Variants in NR6A1 observed in about 807,000 individuals in gnomAD.
The protein encoded by NR6A1 is retinoic acid receptor-related testis-associated receptor.
Under a neutral mutation model 59.1 loss-of-function variants are expected in NR6A1, and 7 were observed. That is an observed-to-expected ratio of 0.12 (90% CI 0.07 to 0.22). The LOEUF (loss-of-function observed/expected upper bound fraction) is 0.22. NR6A1 is among the 10% of genes least tolerant of loss of function. NR6A1 has a pLI of 1.00. For missense variants in NR6A1, 468 were observed against 611.6 expected (o/e 0.77, Z 2.48); for synonymous variants, 243 against 236.1 (o/e 1.03, Z -0.27).
At chr9:124,766,578 AAAAC>A (rs1266123053) in intron 1 of NR6A1, among the ~76,000 whole-genome samples, 2 of 152,248 alleles carry the variant, frequency 1.3e-5, no homozygotes, top group Non-Finnish European at 2.9e-5. Flanking sequence ...CTACTTAAAA[AAAAC>A]AGACTGACCC....
intron 2 of NR6A1, among the ~76,000 whole-genome samples, chr9:124,587,573 T>C (rs955908168): frequency 6.6e-6 from 1 of 152,208 alleles, no homozygotes; most frequent in Non-Finnish European, 1.5e-5. Flanking sequence ...CCCACTACCT[T>C]GCCAAAGGCC....
chr9:124,606,238 G>T (rs933097455), intron 2 of NR6A1, among the ~76,000 whole-genome samples: 1 of 152,130 alleles, frequency 6.6e-6, no homozygotes, highest in African/African-American at 2.4e-5. Context: ...ATTCAGGCAT[G>T]ACATCTTCTA....
chr9:124,764,197 A>G (rs1275183869), intron 1 of NR6A1, among the ~76,000 whole-genome samples: 1 of 151,530 alleles, frequency 6.6e-6, no homozygotes, highest in Non-Finnish European at 1.5e-5. Flanking sequence ...AAAAAAAAAA[A>G]GAAAAGAAAA....
At chr9:124,644,271 C>CTTCTTTT (rs567120746) in intron 2 of NR6A1, among the ~76,000 whole-genome samples, 2 of 96,744 alleles carry the variant, frequency 2.1e-5, no homozygotes, top group South Asian at 6.6e-4. Flanking sequence ...ATTAAGTCTT[C>CTTCTTTT]TTTTTTTTTT....
intron 2 of NR6A1, among the ~76,000 whole-genome samples, chr9:124,680,346 C>T (rs1408168623): frequency 3.9e-5 from 6 of 152,050 alleles, no homozygotes; most frequent in Admixed American, 6.6e-5. Context: ...CAGAATAAAA[C>T]CCACATAGTA....
intron 5 of NR6A1, among the ~76,000 whole-genome samples, 189 bp from the exon 6 acceptor site, chr9:124,538,508 T>C (rs1455745937): frequency 6.6e-6 from 1 of 152,200 alleles, no homozygotes. Flanking sequence ...ACAAAGACTC[T>C]ATGGGTATAT....
At chr9:124,734,259 G>C (rs1839960063) in intron 1 of NR6A1, among the ~76,000 whole-genome samples, 1 of 152,204 alleles carries the variant, frequency 6.6e-6, no homozygotes, top group Non-Finnish European at 1.5e-5. Flanking sequence ...TTCAGCGTCT[G>C]ACCACAATGA....
chr9:124,731,238 C>T (rs1273096188), intron 2 of NR6A1, among the ~76,000 whole-genome samples: 6 of 152,128 alleles, frequency 3.9e-5, no homozygotes, highest in East Asian at 1.9e-4. Context: ...GCCATGGTTG[C>T]GCACGCCTGT....
intron 2 of NR6A1, among the ~76,000 whole-genome samples, chr9:124,638,978 T>A (rs865860840): frequency 6.6e-6 from 1 of 152,144 alleles, no homozygotes; most frequent in Non-Finnish European, 1.5e-5. Context: ...GAGCTACAAG[T>A]ACATAGGTAA....
At chr9:124,566,909 C>A (rs925781769) in intron 2 of NR6A1, among the ~76,000 whole-genome samples, 1 of 152,056 alleles carries the variant, frequency 6.6e-6, no homozygotes, top group Non-Finnish European at 1.5e-5. Flanking sequence ...GAGATAGAGA[C>A]CATCCCGGCT....
rs931332273 is a variant in NR6A1, at chr9:124,521,611, G to C, written c.*1094C>G. On this transcript the variant is annotated 3_prime_UTR_variant, in exon 10 of 10. Transcript: ENST00000487099. ...TGAAGTTTTCGGATTTAGACCTGAG[G>C]GTGCGGTAGGAAGGGGAGGGGAGAG... is the stretch of plus-strand genomic sequence containing the variant. The C allele has an allele frequency of 1.3e-5, 2 of 152,296 alleles. No homozygotes were observed. The highest frequency in any genetic ancestry group is 4.8e-5 in the African/African-American group (2 of 41,468). 9.4% of individuals were successfully genotyped at this position (152,296 alleles called of 1,614,324 possible).
chr9:124,708,447 G>T (rs1471685947), intron 2 of NR6A1, among the ~76,000 whole-genome samples: 1 of 152,142 alleles, frequency 6.6e-6, no homozygotes, highest in Non-Finnish European at 1.5e-5. Context: ...AAAATTTGGG[G>T]AGAGAGAATT....
chr9:124,556,455 T>C (rs539514036), intron 2 of NR6A1, among the ~76,000 whole-genome samples: 1 of 150,126 alleles, frequency 6.7e-6, no homozygotes, highest in African/African-American at 2.5e-5. Flanking sequence ...AGCCCAGGGA[T>C]ACTGATTTTT....
chr9:124,545,652 G>A (rs1397656794), intron 3 of NR6A1, among the ~76,000 whole-genome samples: 1 of 152,174 alleles, frequency 6.6e-6, no homozygotes, highest in African/African-American at 2.4e-5. Context: ...CTCATAGGTA[G>A]AGAACAAAGA....
chr9:124,584,210 C>T (rs563110463), intron 2 of NR6A1, among the ~76,000 whole-genome samples: 55 of 151,754 alleles, frequency 3.6e-4, no homozygotes, highest in African/African-American at 1.3e-3. Context: ...CACGTTCAAG[C>T]GATTCTCCTG....
chr9:124,641,440 T>C (rs1405520782), intron 2 of NR6A1, among the ~76,000 whole-genome samples: 1 of 151,516 alleles, frequency 6.6e-6, no homozygotes, highest in African/African-American at 2.4e-5. Context: ...TGGTGGATCA[T>C]ACCTTTAATC....
intron 2 of NR6A1, among the ~76,000 whole-genome samples, chr9:124,706,416 T>G (rs1839134114): frequency 6.6e-6 from 1 of 152,226 alleles, no homozygotes; most frequent in Admixed American, 6.5e-5. Flanking sequence ...TTTCCTTTAG[T>G]ATTTTAAAGC....
chr9:124,537,279 G>A (rs988055942), intron 6 of NR6A1, among the ~76,000 whole-genome samples: 2 of 151,984 alleles, frequency 1.3e-5, no homozygotes, highest in Non-Finnish European at 2.9e-5. Flanking sequence ...TAGTACACAC[G>A]GGGTTTCACC....
chr9:124,677,341 C>T (rs1162993174), intron 2 of NR6A1, among the ~76,000 whole-genome samples: 1 of 152,064 alleles, frequency 6.6e-6, no homozygotes, highest in Admixed American at 6.6e-5. Context: ...TCACTGCAGC[C>T]TCAACCTCTC....
Sources: allele counts gnomAD v4.1 joint callset (sites outside exome capture counted in the v4.1 genomes callset), GRCh38; gene constraint gnomAD v4.1.1; transcripts MANE v1.5; gene names NCBI Gene and HGNC (gene_info 2026-07-23, HGNC 2026-07-21).